ARHGEF37: variants seen among roughly 807,000 people sequenced by gnomAD.
ARHGEF37 encodes Rho guanine nucleotide exchange factor (GEF) 37.
In ARHGEF37, 55 loss-of-function variants were observed where a neutral mutation model predicts 71.1. The ratio of observed to expected loss-of-function variants is 0.77; its 90% CI spans 0.62 to 0.97. ARHGEF37 has a LOEUF of 0.97. Among genes scored for constraint, ARHGEF37 ranks in the 50% least tolerant of loss-of-function variants. The pLI, the probability that ARHGEF37 is intolerant of heterozygous loss-of-function variation, is 0.00. For synonymous variants in ARHGEF37, 327 were observed against 350.6 expected (o/e 0.93, Z 0.75); for missense variants, 765 against 836.8 (o/e 0.91, Z 1.06).
chr5:149,587,417 A>G (rs1763269209), intron 1 of ARHGEF37, among the ~76,000 whole-genome samples: 1 of 152,232 alleles, frequency 6.6e-6, no homozygotes, highest in Non-Finnish European at 1.5e-5. Flanking sequence ...AGAGTTTACC[A>G]TGTACCAGGC....
chr5:149,618,329 G>A (rs781660056), intron 6 of ARHGEF37, 23 bp downstream of exon 6: 19 of 1,613,762 alleles, frequency 1.2e-5, no homozygotes, highest in Admixed American at 1.7e-5. Context: ...CTGGGAGGAA[G>A]AGTCACATCC....
intron 1 of ARHGEF37, among the ~76,000 whole-genome samples, chr5:149,553,527 T>A (rs1693456158): frequency 6.6e-6 from 1 of 152,184 alleles, no homozygotes; most frequent in Non-Finnish European, 1.5e-5. Flanking sequence ...GTTTAATGGA[T>A]TCCTCAGCTT....
At chr5:149,609,719 C>T in intron 4 of ARHGEF37, 24 bp downstream of exon 4, 1 of 1,611,950 alleles carries the variant, frequency 6.2e-7, no homozygotes, top group Admixed American at 1.7e-5. Flanking sequence ...CCAGTGAGCA[C>T]TCGCTCCTAC....
intron 1 of ARHGEF37, among the ~76,000 whole-genome samples, chr5:149,583,705 G>A (rs1763164164): frequency 1.3e-5 from 2 of 152,238 alleles, no homozygotes; most frequent in African/African-American, 2.4e-5. Context: ...AATGGCATTT[G>A]TAGAGCTTGA....
chr5:149,571,686 C>T (rs1296681266), intron 1 of ARHGEF37, among the ~76,000 whole-genome samples: 1 of 151,870 alleles, frequency 6.6e-6, no homozygotes, highest in Non-Finnish European at 1.5e-5. Flanking sequence ...TCTGGGAGAC[C>T]GAAGCAGGAG....
chr5:149,617,052 C>T (rs75849771), intron 5 of ARHGEF37, among the ~76,000 whole-genome samples: 2,423 of 152,202 alleles, frequency 0.016, 70 homozygotes, highest in African/African-American at 0.056. Context: ...ACCACACTTA[C>T]CCGGGTAAGG....
intron 1 of ARHGEF37, among the ~76,000 whole-genome samples, chr5:149,566,473 G>A (rs1029324704): frequency 4.6e-5 from 7 of 151,960 alleles, no homozygotes; most frequent in Non-Finnish European, 8.8e-5. Flanking sequence ...ACTCCAGCCT[G>A]GGTGACAGAG....
chr5:149,631,881 C>T (rs922076144), intron 12 of ARHGEF37, 101 bp from the exon 13 acceptor site: 21 of 1,229,496 alleles, frequency 1.7e-5, no homozygotes, highest in South Asian at 7.1e-5. Flanking sequence ...GCAATGGGGA[C>T]GAGAGCCAGG....
intron 3 of ARHGEF37, among the ~76,000 whole-genome samples, chr5:149,601,549 AC>A (rs2113319583): frequency 6.6e-6 from 1 of 152,360 alleles, no homozygotes; most frequent in Admixed American, 6.5e-5. Context: ...TTTAATGAGC[AC>A]CTGCAGTGTG....
chr5:149,624,233 G>A (rs1752619110), intron 10 of ARHGEF37, 93 bp downstream of exon 10: 2 of 1,441,760 alleles, frequency 1.4e-6, no homozygotes. Flanking sequence ...TTCCTTTTTG[G>A]TCCCCCAATG....
chr5:149,627,328 C>A, intron 11 of ARHGEF37, 57 bp downstream of exon 11: 7 of 1,561,676 alleles, frequency 4.5e-6, no homozygotes, highest in Non-Finnish European at 4.3e-6. Flanking sequence ...CCCACAGAAG[C>A]CGGTGCAGAG....
Position 149,628,916 on chromosome 5 carries a change from A to C in ARHGEF37, c.1768A>C (p.Thr590Pro). 1 of 1,613,316 alleles carries C rather than the reference A, an allele frequency of 6.2e-7. No individual in the cohort carries two copies. The highest frequency in any genetic ancestry group is 8.5e-7 in the Non-Finnish European group (1 of 1,180,010). ...AGLNKDPRCL[T>P]PEPSPALVPS... ...GCTGAACAAAGACCCCCGATGTCTA[A>C]CACCGGAGCCCAGCCCAGCTCTAGT... Residue 590 changes from threonine to proline, a missense_variant, in exon 12 of 13, where the codon ACA becomes CCA. Thr to Pro is a conservative substitution (Grantham distance 38, BLOSUM62 -1). Transcript: ENST00000333677.
At chr5:149,565,318 G>A (rs1032792320) in intron 1 of ARHGEF37, among the ~76,000 whole-genome samples, 5 of 152,166 alleles carry the variant, frequency 3.3e-5, no homozygotes, top group African/African-American at 1.2e-4. Context: ...CAGAGAATAA[G>A]TCCTGTTATA....
intron 2 of ARHGEF37, 116 bp downstream of exon 2, chr5:149,598,071 G>A (rs1379097495): frequency 3.1e-6 from 4 of 1,286,424 alleles, no homozygotes; most frequent in South Asian, 1.5e-5. Context: ...CGTGGTAGAT[G>A]TGAAGTCTGA....
chr5:149,604,703 G>A (rs1253445479), intron 3 of ARHGEF37, among the ~76,000 whole-genome samples: 2 of 65,316 alleles, frequency 3.1e-5, no homozygotes, highest in Admixed American at 4.7e-4. Flanking sequence ...TTTTTTTTGA[G>A]ACAGAATCTC....
At chr5:149,613,041 G>A (rs1379545) in intron 4 of ARHGEF37, among the ~76,000 whole-genome samples, 75,469 of 152,100 alleles carry the variant, frequency 0.5, 20,556 homozygotes, top group South Asian at 0.73. Flanking sequence ...GGGTGGAAAA[G>A]GCGGCCTTGC....
At position 149,628,908 on chromosome 5, in the gene ARHGEF37, G is replaced by C. The variant is rs759749530; in HGVS notation, c.1760G>C (p.Arg587Pro). ...RRQAGLNKDPRCLTPEPSPAL... is the reference protein window; with the variant it reads ...RRQAGLNKDPPCLTPEPSPAL... ...CAGGCGGGGCTGAACAAAGACCCCC[G>C]ATGTCTAACACCGGAGCCCAGCCCA... The change falls in exon 12 of 13, where the codon CGA (arginine) becomes CCA (proline). Residue 587 changes from arginine to proline, a missense_variant. This residue lies in a region of ARHGEF37 where 390 missense variants were observed against 407.4 expected (regional missense o/e 0.96). Transcript: ENST00000333677. 6.2e-7 allele frequency: 1 copy of C among 1,613,390 alleles called. No homozygotes were observed. The highest frequency in any genetic ancestry group is 8.5e-7 in the Non-Finnish European group (1 of 1,180,012).
chr5:149,565,858 T>TTTTTTTG (rs1762891524), intron 1 of ARHGEF37, among the ~76,000 whole-genome samples: 1 of 100,598 alleles, frequency 9.9e-6, no homozygotes, highest in Non-Finnish European at 1.9e-5. Context: ...TTTTTTTTTT[T>TTTTTTTG]TTTTTTGTGA....
chr5:149,624,292 G>A, intron 10 of ARHGEF37, 152 bp downstream of exon 10: 3 of 1,104,978 alleles, frequency 2.7e-6, no homozygotes, highest in Non-Finnish European at 3.7e-6. Flanking sequence ...CTTTCTATTT[G>A]AGCTGGGGTG....
Sources: allele counts gnomAD v4.1 joint callset (sites outside exome capture counted in the v4.1 genomes callset), GRCh38; gene constraint gnomAD v4.1.1; regional missense constraint gnomAD v4.1.1; transcripts MANE v1.5; gene names NCBI Gene and HGNC (gene_info 2026-07-23, HGNC 2026-07-21).